Variants in CDK5RAP2 observed in about 807,000 individuals in gnomAD.
CDK5RAP2 encodes CDK5 regulatory subunit-associated protein 2.
Under a neutral mutation model 232.9 loss-of-function variants are expected in CDK5RAP2, and 147 were observed. The ratio of observed to expected loss-of-function variants is 0.63; its 90% CI spans 0.55 to 0.72. The LOEUF (loss-of-function observed/expected upper bound fraction) is 0.72, where lower values mean the gene tolerates loss of function less well. CDK5RAP2 is among the 30% of genes least tolerant of loss of function. CDK5RAP2 has a pLI of 0.00. For missense variants in CDK5RAP2, 2,195 were observed against 2,231.5 expected, an observed-to-expected ratio of 0.98 and a Z score of 0.33; for synonymous variants, 833 against 833.7, an observed-to-expected ratio of 1.00 and a Z score of 0.01.
intron 5 of CDK5RAP2, among the ~76,000 whole-genome samples, chr9:120,542,530 A>C (rs1343925576): frequency 1.3e-5 from 2 of 151,958 alleles, no homozygotes; most frequent in Non-Finnish European, 2.9e-5. Context: ...TACACCTAGC[A>C]GTTCCATGGT....
chr9:120,493,803 C>CT (rs1157748662), intron 12 of CDK5RAP2, among the ~76,000 whole-genome samples: 1 of 152,194 alleles, frequency 6.6e-6, no homozygotes, highest in Non-Finnish European at 1.5e-5. Flanking sequence ...AACCTGCTTA[C>CT]TTATTAAACA....
intron 2 of CDK5RAP2, chr9:120,571,650 C>G: frequency 2.7e-6 from 1 of 375,656 alleles, no homozygotes; most frequent in South Asian, 2.1e-5. Flanking sequence ...TCCTGGGCCT[C>G]CAGCCACTGG....
intron 12 of CDK5RAP2, among the ~76,000 whole-genome samples, chr9:120,507,896 G>A (rs2039885061): frequency 9.5e-6 from 1 of 105,250 alleles, no homozygotes; most frequent in South Asian, 3.6e-4. Context: ...TTCTCTTAGA[G>A]CAGACTGGCT....
chr9:120,449,413 T>C (rs1487910358), intron 21 of CDK5RAP2, among the ~76,000 whole-genome samples: 2 of 152,232 alleles, frequency 1.3e-5, no homozygotes, highest in Non-Finnish European at 2.9e-5. Flanking sequence ...CAATTATCTG[T>C]TCCTTGTCTA....
intron 36 of CDK5RAP2, among the ~76,000 whole-genome samples, chr9:120,391,366 C>A (rs2031958298): frequency 6.6e-6 from 1 of 152,204 alleles, no homozygotes; most frequent in Admixed American, 6.5e-5. Flanking sequence ...AACACAGCGA[C>A]AAAGGACTCG....
At chr9:120,422,509 C>T (rs180856343) in intron 26 of CDK5RAP2, among the ~76,000 whole-genome samples, 184 bp downstream of exon 26, 1 of 152,182 alleles carries the variant, frequency 6.6e-6, no homozygotes, top group East Asian at 1.9e-4. Flanking sequence ...ATGAAAGCAA[C>T]AGGACATATG....
intron 18 of CDK5RAP2, among the ~76,000 whole-genome samples, chr9:120,463,011 AT>A (rs2037176149): frequency 6.6e-6 from 1 of 152,164 alleles, no homozygotes; most frequent in Non-Finnish European, 1.5e-5. Flanking sequence ...GTATATGGGT[AT>A]TCACTGTGTC....
At chr9:120,555,930 C>G (rs2042211849) in intron 3 of CDK5RAP2, among the ~76,000 whole-genome samples, 1 of 152,156 alleles carries the variant, frequency 6.6e-6, no homozygotes. Context: ...AGAAGACAGT[C>G]TGAAAAGATT....
In CDK5RAP2 at chr9:120,579,923, C is replaced by T; in HGVS notation, c.56G>A (p.Cys19Tyr). 6.2e-7 allele frequency: 1 copy of T among 1,613,106 alleles called. No individual in the cohort carries two copies. The highest frequency in any genetic ancestry group is 8.5e-7 in the Non-Finnish European group (1 of 1,179,068). ...ACCACCAATGCCCCGGCCGCACCTG[C>T]AGCCGCTGAGCGTCCCAGGGACGGT... ...DVTVPGTLSG[C>Y]SGLVPSVPDD... is the part of the protein sequence containing the mutation. The change falls in exon 1 of 38, where the codon TGC (cysteine) becomes TAC (tyrosine). Residue 19 changes from cysteine (C) to tyrosine (Y), a missense_variant. Cys to Tyr is a radical substitution (Grantham distance 194). Coordinates refer to ENST00000349780, the MANE Select transcript of CDK5RAP2 (RefSeq NM_018249.6).
At chr9:120,435,135 T>G (rs2035503350) in intron 25 of CDK5RAP2, among the ~76,000 whole-genome samples, 1 of 152,202 alleles carries the variant, frequency 6.6e-6, no homozygotes, top group Admixed American at 6.5e-5. Flanking sequence ...GTACAAAGAA[T>G]GAAACCAAAC....
chr9:120,427,849 G>C (rs2035017122), intron 25 of CDK5RAP2, among the ~76,000 whole-genome samples: 1 of 152,072 alleles, frequency 6.6e-6, no homozygotes, highest in Admixed American at 6.6e-5. Context: ...TGACCACATA[G>C]TTGGAAGTAA....
chr9:120,462,365 A>G (rs1372650057), intron 18 of CDK5RAP2, among the ~76,000 whole-genome samples: 2 of 152,140 alleles, frequency 1.3e-5, no homozygotes, highest in African/African-American at 2.4e-5. Flanking sequence ...AAATGTTTGG[A>G]AAAAGTATTG....
chr9:120,558,307 A>AGCTT (rs957804853), intron 3 of CDK5RAP2, among the ~76,000 whole-genome samples: 3 of 118,416 alleles, frequency 2.5e-5, no homozygotes, highest in African/African-American at 9.4e-5. Flanking sequence ...CAGGAGGCGG[A>AGCTT]GCTTGCAGTG....
intron 36 of CDK5RAP2, chr9:120,390,168 G>A (rs936168907): frequency 3.9e-6 from 1 of 253,620 alleles, no homozygotes; most frequent in Non-Finnish European, 8.0e-6. Context: ...AGAGGCCTGG[G>A]CCTGCCCAGC....
At position 120,491,342 on chromosome 9, in the gene CDK5RAP2, T is replaced by C. The variant is rs1252118453; in HGVS notation, c.1447A>G (p.Thr483Ala). ...HNQEQVIKHLTESTNQKDVLL... is the reference protein window; with the variant it reads ...HNQEQVIKHLAESTNQKDVLL... ...ACGTCCTTCTGATTGGTACTTTCTG[T>C]TAGATGTTTGATCACTTGCTCTTGA... Residue 483 changes from threonine to alanine, a missense_variant, in exon 13 of 38, where the codon ACA (threonine) becomes GCA (alanine). Thr to Ala is a moderately conservative substitution (Grantham distance 58). Coordinates refer to ENST00000349780, the MANE Select transcript of CDK5RAP2 (RefSeq NM_018249.6). 1 of 1,613,628 alleles carries C rather than the reference T, an allele frequency of 6.2e-7. No homozygotes were observed.
intron 4 of CDK5RAP2, among the ~76,000 whole-genome samples, chr9:120,548,079 G>A (rs959144893): frequency 5.3e-5 from 8 of 152,226 alleles, no homozygotes; most frequent in African/African-American, 1.9e-4. Context: ...AAGCCTCGGA[G>A]ACAGGGCTCA....
chr9:120,455,060 T>A (rs1009998970), intron 20 of CDK5RAP2, among the ~76,000 whole-genome samples: 1 of 152,138 alleles, frequency 6.6e-6, no homozygotes, highest in East Asian at 1.9e-4. Flanking sequence ...CCCTTGTGTG[T>A]TTCTTGTGCT....
intron 35 of CDK5RAP2, among the ~76,000 whole-genome samples, chr9:120,400,152 C>G (rs563958242): frequency 6.6e-6 from 1 of 152,278 alleles, no homozygotes; most frequent in South Asian, 2.1e-4. Context: ...AGTGGGCGTT[C>G]ACCTTGTCAT....
At chr9:120,515,026 A>T (rs1435719233) in intron 12 of CDK5RAP2, among the ~76,000 whole-genome samples, 3 of 152,160 alleles carry the variant, frequency 2.0e-5, no homozygotes, top group East Asian at 3.8e-4. Flanking sequence ...GTTATGATAT[A>T]AAAAAACTAC....
Sources: allele counts gnomAD v4.1 joint callset (sites outside exome capture counted in the v4.1 genomes callset), GRCh38; gene constraint gnomAD v4.1.1; transcripts MANE v1.5; gene names NCBI Gene and HGNC (gene_info 2026-07-23, HGNC 2026-07-21).